Variants in CSMD1 observed in about 807,000 individuals in gnomAD.
CSMD1 encodes the protein CUB and sushi domain-containing protein 1.
In CSMD1, 213 loss-of-function variants were observed where a neutral mutation model predicts 417.5. That is an observed-to-expected ratio of 0.51 (90% CI 0.46 to 0.57). The LOEUF is 0.57. Among genes scored for constraint, CSMD1 ranks in the 20% least tolerant of loss-of-function variants. The probability of loss-of-function intolerance (pLI) is 0.00; values close to 1 mark genes in which losing one functional copy is unlikely to be tolerated. For missense variants in CSMD1, 6,923 were observed against 4,529.7 expected (o/e 1.53, Z -15.17); for synonymous variants, 2,862 against 1,736.8 (o/e 1.65, Z -16.11).
chr8:3,397,595 C>T (rs1811780426), intron 16 of CSMD1, among the ~76,000 whole-genome samples: 1 of 152,218 alleles, frequency 6.6e-6, no homozygotes, highest in Non-Finnish European at 1.5e-5. Flanking sequence ...TGTCTTATGA[C>T]ACTATTCTAA....
intron 2 of CSMD1, among the ~76,000 whole-genome samples, chr8:4,531,822 G>T (rs898714718): frequency 6.6e-6 from 1 of 152,106 alleles, no homozygotes; most frequent in Non-Finnish European, 1.5e-5. Context: ...TCCCTTTTCA[G>T]AAACTTTTAT....
At chr8:4,965,239 A>T (rs1018941888) in intron 1 of CSMD1, among the ~76,000 whole-genome samples, 43 of 152,332 alleles carry the variant, frequency 2.8e-4, no homozygotes, top group Non-Finnish European at 5.3e-4. Context: ...TTCAGATTTT[A>T]AAAATGTTCC....
intron 11 of CSMD1, among the ~76,000 whole-genome samples, chr8:3,488,503 C>T (rs887407131): frequency 2.0e-5 from 3 of 152,068 alleles, no homozygotes; most frequent in African/African-American, 7.2e-5. Flanking sequence ...AAATGTAATA[C>T]AAAATTTATA....
At chr8:3,180,816 T>C (rs1178424595) in intron 37 of CSMD1, among the ~76,000 whole-genome samples, 1 of 151,914 alleles carries the variant, frequency 6.6e-6, no homozygotes, top group Non-Finnish European at 1.5e-5. Context: ...GTATTATTAT[T>C]ATTTTTTAGT....
intron 2 of CSMD1, among the ~76,000 whole-genome samples, chr8:4,456,227 G>A (rs7844515): frequency 2.6e-5 from 4 of 152,020 alleles, no homozygotes; most frequent in African/African-American, 9.7e-5. Context: ...AATTGGTTCA[G>A]AAAATATGCT....
intron 2 of CSMD1, among the ~76,000 whole-genome samples, chr8:4,567,385 T>C (rs1361833238): frequency 6.6e-6 from 1 of 152,170 alleles, no homozygotes; most frequent in Non-Finnish European, 1.5e-5. Context: ...CACCAGGAAT[T>C]AGACACAATG....
chr8:3,389,123 CTTTTAT>C (rs1376211382), intron 17 of CSMD1, among the ~76,000 whole-genome samples: 1 of 152,076 alleles, frequency 6.6e-6, no homozygotes, highest in African/African-American at 2.4e-5. Flanking sequence ...TGTTTGTTTA[CTTTTAT>C]TTTAAGTTCA....
Position 4,441,095 on chromosome 8 carries a change from GTTTT to G in CSMD1, c.303-21034_303-21031del, listed in dbSNP as rs36000734. 2.1e-4 allele frequency among the ~76,000 whole-genome samples: 11 copies of G among 51,318 alleles called. No individual in the cohort carries two copies. In the East Asian group the frequency reaches 3.4e-3, roughly 16 times the overall value. 33.7% of individuals were successfully genotyped at this position (51,318 alleles called of 152,430 possible). A position where few individuals can be genotyped will look rare whatever the true frequency, so the allele number is the denominator to read the frequency against. On this transcript the variant is annotated intron_variant, in intron 2 of 69. Transcript: ENST00000635120. Reference sequence around the variant, plus strand: ...AATAATTTGACTCGTTAATCAAAAGGTTTTTTTTTTTTTTTTTTTTTTTAAGAGA... The same window carrying G: ...AATAATTTGACTCGTTAATCAAAAGGTTTTTTTTTTTTTTTTTTTAAGAGA...
At chr8:4,633,103 G>T (rs1402321180) in intron 2 of CSMD1, among the ~76,000 whole-genome samples, 1 of 152,176 alleles carries the variant, frequency 6.6e-6, no homozygotes, top group South Asian at 2.1e-4. Flanking sequence ...CGAGAGGGGA[G>T]CCTGGGGCAG....
intron 30 of CSMD1, among the ~76,000 whole-genome samples, chr8:3,209,193 C>A (rs1342383770): frequency 6.6e-6 from 1 of 152,136 alleles, no homozygotes; most frequent in Admixed American, 6.5e-5. Flanking sequence ...TTCCTCAGAT[C>A]AAAATGCTAA....
chr8:4,092,852 A>C (rs999610834), intron 3 of CSMD1, among the ~76,000 whole-genome samples: 1 of 152,188 alleles, frequency 6.6e-6, no homozygotes, highest in African/African-American at 2.4e-5. Flanking sequence ...CTGGTTGAAT[A>C]ATCATTATAA....
chr8:3,733,710 G>C (rs1032526484), intron 6 of CSMD1, among the ~76,000 whole-genome samples: 5 of 152,130 alleles, frequency 3.3e-5, no homozygotes, highest in African/African-American at 1.2e-4. Flanking sequence ...TCAGGGACTG[G>C]ATGGACGCCC....
intron 3 of CSMD1, among the ~76,000 whole-genome samples, chr8:4,221,441 C>G (rs1165482517): frequency 1.3e-5 from 2 of 150,108 alleles, no homozygotes; most frequent in African/African-American, 2.4e-5. Context: ...GGTTAACAGA[C>G]AACTGGAACT....
At position 4,888,661 on chromosome 8, in the gene CSMD1, G is replaced by T. The variant is rs913802677; in HGVS notation, c.85+105671C>A. On this transcript the variant is annotated intron_variant, in intron 1 of 69. Coordinates refer to ENST00000635120, the MANE Select transcript of CSMD1 (RefSeq NM_033225.6). ...CAGATCTTCACCATAAATATCATTT[G>T]CCAACAAAAGAAACCAGGGGTCCTT... Among the ~76,000 whole-genome samples the T allele has an allele frequency of 5.9e-5, 9 of 152,174 alleles. No individual in the cohort carries two copies. In the South Asian group the frequency reaches 1.2e-3, roughly 21 times the overall value.
chr8:2,984,183 A>G (rs1003458527), intron 54 of CSMD1, among the ~76,000 whole-genome samples: 1 of 152,134 alleles, frequency 6.6e-6, no homozygotes. Context: ...CGCTGCCTCA[A>G]ATCGGATTCA....
At chr8:3,457,533 C>T (rs765779898) in intron 12 of CSMD1, among the ~76,000 whole-genome samples, 2 of 152,158 alleles carry the variant, frequency 1.3e-5, no homozygotes, top group African/African-American at 2.4e-5. Flanking sequence ...CACGCCTGGC[C>T]GTTCCTGGCT....
At chr8:3,110,018 T>C (rs1434046485) in intron 43 of CSMD1, 140 bp downstream of exon 43, 8 of 707,648 alleles carry the variant, frequency 1.1e-5, no homozygotes, top group South Asian at 8.3e-5. Flanking sequence ...CCTATATCTC[T>C]GGATTTCGTT....
chr8:3,429,617 G>A (rs1329691975), intron 12 of CSMD1, among the ~76,000 whole-genome samples: 1 of 152,178 alleles, frequency 6.6e-6, no homozygotes, highest in East Asian at 1.9e-4. Flanking sequence ...ACGAGGGGTG[G>A]TGAAAACAAG....
At chr8:3,887,633 T>G (rs757710292) in intron 5 of CSMD1, among the ~76,000 whole-genome samples, 1 of 152,212 alleles carries the variant, frequency 6.6e-6, no homozygotes, top group East Asian at 1.9e-4. Context: ...AATAGAGAGT[T>G]GAGAACACTG....
Sources: gnomAD v4.1 joint callset for allele counts (sites outside exome capture counted in the v4.1 genomes callset) on GRCh38, gnomAD v4.1.1 for gene constraint, MANE v1.5 for transcripts, NCBI Gene and HGNC (gene_info 2026-07-23, HGNC 2026-07-21) for gene names.